EDNRA: variants seen among roughly 807,000 people sequenced by gnomAD.
The protein encoded by EDNRA is endothelin-1 receptor.
In EDNRA, 11 loss-of-function variants were observed where a neutral mutation model predicts 41.4. The observed-to-expected ratio is 0.27, with a 90% CI of 0.17 to 0.44. The LOEUF (loss-of-function observed/expected upper bound fraction) is 0.44. EDNRA is among the 20% of genes least tolerant of loss of function. The pLI, the probability that EDNRA is intolerant of heterozygous loss-of-function variation, is 1.00. For synonymous variants in EDNRA, 172 were observed against 183.0 expected (o/e 0.94, Z 0.49); for missense variants, 294 against 531.0 (o/e 0.55, Z 4.39).
intron 2 of EDNRA, chr4:147,488,994 T>C (rs544552545): frequency 3.9e-5 from 6 of 152,208 alleles, no homozygotes; most frequent in Non-Finnish European, 8.8e-5. Context: ...ATGCATACAA[T>C]TGGAGAATAT....
intron 2 of EDNRA, among the ~76,000 whole-genome samples, chr4:147,487,710 A>C (rs1728995948): frequency 6.6e-6 from 1 of 152,194 alleles, no homozygotes; most frequent in Admixed American, 6.5e-5. Flanking sequence ...TGCAAATAAA[A>C]ACTTCCCAAA....
intron 3 of EDNRA, among the ~76,000 whole-genome samples, chr4:147,521,915 G>A (rs908268293): frequency 2.6e-5 from 4 of 151,940 alleles, no homozygotes; most frequent in East Asian, 1.9e-4. Flanking sequence ...TCTGTCACCC[G>A]GACTAGAATG....
chr4:147,508,536 C>T (rs1729805360), intron 2 of EDNRA, among the ~76,000 whole-genome samples: 2 of 152,132 alleles, frequency 1.3e-5, no homozygotes, highest in South Asian at 4.1e-4. Flanking sequence ...TTTTGCCTAA[C>T]CCAAGATCAC....
At chr4:147,481,648 G>A (rs903055405) in intron 1 of EDNRA, among the ~76,000 whole-genome samples, 3 of 152,372 alleles carry the variant, frequency 2.0e-5, no homozygotes, top group South Asian at 4.1e-4. Flanking sequence ...AGGATTCGGA[G>A]TTTTAGGAAG....
At chr4:147,529,500 G>T (rs1007898430) in intron 3 of EDNRA, among the ~76,000 whole-genome samples, 4 of 152,144 alleles carry the variant, frequency 2.6e-5, no homozygotes, top group Non-Finnish European at 4.4e-5. Context: ...GAGAAAGCGG[G>T]GTCCAGCCAG....
intron 2 of EDNRA, among the ~76,000 whole-genome samples, chr4:147,497,460 A>G (rs1328841727): frequency 6.6e-6 from 1 of 152,154 alleles, no homozygotes; most frequent in African/African-American, 2.4e-5. Context: ...GAAAACACAG[A>G]GGAATCTAGG....
In EDNRA at chr4:147,491,452, C is replaced by T. The variant is rs369734465; in HGVS notation, c.420+5351C>T. 1.2e-4 allele frequency: 19 copies of T among 152,270 alleles called. No individual in the cohort carries two copies. The South Asian group carries it at 3.9e-3, about 32-fold the overall frequency. The allele number at this position is 152,270 out of a possible 1,614,324, so 9.4% of individuals were successfully genotyped here. Reference sequence around the variant, plus strand: ...CAACTTACAGATTAGATACCTCAAGCATAGTAGATGTTCAGTAATGCTTGT... The same window carrying T: ...CAACTTACAGATTAGATACCTCAAGTATAGTAGATGTTCAGTAATGCTTGT... On this transcript the variant is annotated intron_variant, in intron 2 of 7. Coordinates refer to ENST00000651419, the MANE Select transcript of EDNRA (RefSeq NM_001957.4).
chr4:147,515,491 C>A (rs1730084775), intron 2 of EDNRA, among the ~76,000 whole-genome samples: 2 of 152,250 alleles, frequency 1.3e-5, no homozygotes, highest in South Asian at 4.2e-4. Flanking sequence ...ACACTGAGAA[C>A]TATGCCTCTG....
intron 4 of EDNRA, 125 bp from the exon 5 acceptor site, chr4:147,535,752 C>T (rs914890769): frequency 1.1e-5 from 13 of 1,222,016 alleles, no homozygotes; most frequent in Middle Eastern, 2.8e-4. Context: ...ATCACTGCAA[C>T]CAGAGAGCAT....
intron 1 of EDNRA, 64 bp from the exon 2 acceptor site, chr4:147,485,548 C>A: frequency 1.1e-6 from 1 of 913,654 alleles, no homozygotes; most frequent in Non-Finnish European, 1.6e-6. Context: ...AATAAATAAT[C>A]ATTGACTATG....
intron 2 of EDNRA, among the ~76,000 whole-genome samples, chr4:147,506,972 G>T (rs1370898958): frequency 1.3e-5 from 2 of 152,146 alleles, no homozygotes; most frequent in Non-Finnish European, 2.9e-5. Context: ...GACTTAACTT[G>T]TATTAAACCA....
chr4:147,500,831 A>T (rs562537640), intron 2 of EDNRA, among the ~76,000 whole-genome samples: 150 of 152,150 alleles, frequency 9.9e-4, no homozygotes, highest in African/African-American at 3.5e-3. Flanking sequence ...GTGACATTTC[A>T]TATATTTGAG....
chr4:147,540,396 T>C lies in EDNRA; in HGVS notation c.1054T>C (p.Tyr352His), dbSNP rs1247822547. 1 of 1,613,036 alleles carries C rather than the reference T, an allele frequency of 6.2e-7. No homozygotes were observed. Among genetic ancestry groups the C allele is most frequent in the Non-Finnish European group, 8.5e-7 (1 of 1,179,394 alleles). Reference protein sequence around the residue: ...ELLSFLLLMDYIGINLATMNS... With the variant: ...ELLSFLLLMDHIGINLATMNS... ...CTCTAGTTTCTTACTGCTCATGGATTACATCGGTATTAACTTGGCAACCAT... is the reference window on the plus strand; with the variant it reads ...CTCTAGTTTCTTACTGCTCATGGATCACATCGGTATTAACTTGGCAACCAT... Residue 352 changes from tyrosine to histidine, a missense_variant, in exon 7 of 8, where the codon TAC becomes CAC. By Grantham distance (83) the Tyr-to-His change is moderately conservative. Around this residue, in one of 3 missense-constraint regions of EDNRA, gnomAD observed 185 missense variants for 390.8 expected, o/e 0.47. Coordinates refer to ENST00000651419, the MANE Select transcript of EDNRA (RefSeq NM_001957.4).
At chr4:147,506,090 G>C in intron 2 of EDNRA, 3 of 517,726 alleles carry the variant, frequency 5.8e-6, no homozygotes, top group Non-Finnish European at 1.2e-5. Context: ...TATCCTGGCA[G>C]GTTCCTGAAT....
chr4:147,523,615 C>G (rs1030785941), intron 3 of EDNRA, among the ~76,000 whole-genome samples: 5 of 151,686 alleles, frequency 3.3e-5, no homozygotes, highest in Non-Finnish European at 7.4e-5. Flanking sequence ...CTCAGCTTCC[C>G]GAGTAGCTGG....
chr4:147,539,722 T>C, intron 5 of EDNRA, 95 bp from the exon 6 acceptor site: 1 of 1,382,566 alleles, frequency 7.2e-7, no homozygotes, highest in Non-Finnish European at 9.8e-7. Flanking sequence ...GAATTATTCT[T>C]TCTCTGGTGT....
At chr4:147,504,803 CAA>C (rs1046595204) in intron 2 of EDNRA, among the ~76,000 whole-genome samples, 7 of 150,756 alleles carry the variant, frequency 4.6e-5, no homozygotes, top group African/African-American at 1.7e-4. Context: ...AAAAAAAATA[CAA>C]AAGTTAGCCA....
chr4:147,542,091 G>A (rs185340466), intron 7 of EDNRA, among the ~76,000 whole-genome samples: 1 of 152,242 alleles, frequency 6.6e-6, no homozygotes. Flanking sequence ...CAAGGCTGTT[G>A]TGAGGATCTG....
At chr4:147,505,894 C>T (rs1329238781) in intron 2 of EDNRA, among the ~76,000 whole-genome samples, 2 of 152,034 alleles carry the variant, frequency 1.3e-5, no homozygotes, top group Admixed American at 6.5e-5. Flanking sequence ...GAGATCCGCC[C>T]GCCTTGGCCT....
Sources: gnomAD v4.1 joint callset for allele counts (sites outside exome capture counted in the v4.1 genomes callset) on GRCh38, gnomAD v4.1.1 for gene constraint, gnomAD v4.1.1 regional missense constraint, MANE v1.5 for transcripts, NCBI Gene and HGNC (gene_info 2026-07-23, HGNC 2026-07-21) for gene names.